The following COL1A2 variants were observed in gnomAD, a reference collection of about 807,000 sequenced individuals.
COL1A2 encodes collagen alpha-2(I) chain.
In COL1A2, 49 loss-of-function variants were observed where a neutral mutation model predicts 174.3. That is an observed-to-expected ratio of 0.28 (90% CI 0.22 to 0.36). COL1A2 has a LOEUF of 0.36. COL1A2 is among the 10% of genes least tolerant of loss of function. The pLI is 1.00. For missense variants in COL1A2, 1,438 were observed against 1,822.7 expected (o/e 0.79, Z 3.84); for synonymous variants, 655 against 606.6 (o/e 1.08, Z -1.17).
chr7:94,412,774 C>T (rs1584321745), intron 25 of COL1A2, 92 bp downstream of exon 25: 1 of 1,124,572 alleles, frequency 8.9e-7, no homozygotes, highest in East Asian at 2.5e-5. Context: ...TCAGTCCAGT[C>T]TCAGGGAGTT....
At chr7:94,424,865 T>A in intron 41 of COL1A2, 1 of 539,624 alleles carries the variant, frequency 1.9e-6, no homozygotes, top group South Asian at 2.1e-5. Flanking sequence ...TCATTTCATT[T>A]GGGATACTGA....
Position 94,405,285 on chromosome 7 carries a change from C to T in COL1A2, c.486+33C>T, listed in dbSNP as rs1252316976. Reference sequence around the variant, plus strand: ...TTTTTACATTGGTAGATAGCACAAACATCATAGGCCTATAAGATAGTTGCT... The same window carrying T: ...TTTTTACATTGGTAGATAGCACAAATATCATAGGCCTATAAGATAGTTGCT... On this transcript the variant is annotated intron_variant, in intron 10 of 51. Transcript: ENST00000297268. 2.5e-6 allele frequency: 4 copies of T among 1,590,270 alleles called. No individual in the cohort carries two copies. In the South Asian group the frequency reaches 4.4e-5, roughly 18 times the overall value.
Position 94,427,726 on chromosome 7 carries a change from C to T in COL1A2, c.3367C>T (p.Arg1123Cys), listed in dbSNP as rs765271962. The T allele has an allele frequency of 2.5e-6, 4 of 1,614,070 alleles. No homozygotes were observed. Among genetic ancestry groups the T allele is most frequent in the African/African-American group, 1.3e-5 (1 of 74,998 alleles). Residue 1123 changes from arginine to cysteine, a missense_variant, in exon 49 of 52, where the codon CGC (arginine) becomes TGC (cysteine). This residue lies in a region of COL1A2 where 867 missense variants were observed against 1,213.7 expected (regional missense o/e 0.71). Coordinates refer to ENST00000297268, the MANE Select transcript of COL1A2 (RefSeq NM_000089.4). ...DGDFYRADQP[R>C]SAPSLRPKDY... ...AGACTTCTACAGGGCTGACCAGCCTCGCTCAGCACCTTCTCTCAGACCCAA... is the reference window on the plus strand; with the variant it reads ...AGACTTCTACAGGGCTGACCAGCCTTGCTCAGCACCTTCTCTCAGACCCAA...
intron 40 of COL1A2, 150 bp downstream of exon 40, chr7:94,423,268 A>G: frequency 1.1e-6 from 1 of 889,322 alleles, no homozygotes; most frequent in Admixed American, 2.1e-5. Context: ...TCCAGCACAC[A>G]CTGAGGGGCT....
chr7:94,409,871 C>A, intron 19 of COL1A2, 50 bp downstream of exon 19: 1 of 1,510,436 alleles, frequency 6.6e-7, no homozygotes, highest in South Asian at 1.1e-5. Context: ...CCACCTCTGC[C>A]ATCATTTCAT....
chr7:94,404,418 TA>T, intron 6 of COL1A2, 137 bp from the exon 7 acceptor site: 1 of 909,994 alleles, frequency 1.1e-6, no homozygotes. Context: ...TTTGAGTCCT[TA>T]AATTCTTCCT....
chr7:94,405,926 A>G (rs2115879784), intron 11 of COL1A2, among the ~76,000 whole-genome samples, 200 bp downstream of exon 11: 1 of 152,342 alleles, frequency 6.6e-6, no homozygotes, highest in Non-Finnish European at 1.5e-5. Context: ...CTACCAAAAA[A>G]CAGGCTCACT....
chr7:94,395,229 G>A (rs755692248), intron 1 of COL1A2, 128 bp downstream of exon 1: 1 of 811,146 alleles, frequency 1.2e-6, no homozygotes, highest in Admixed American at 1.7e-5. Flanking sequence ...TCAGGCATGT[G>A]GGAAAACGCC....
Position 94,402,262 on chromosome 7 carries a change from G to T in COL1A2, c.279+642G>T, listed in dbSNP as rs184830442. Among the ~76,000 whole-genome samples, 337 of 152,160 alleles carry T rather than the reference G, an allele frequency of 2.2e-3. 2 individuals carry two copies. Among genetic ancestry groups the T allele is most frequent in the African/African-American group, 7.8e-3 (325 of 41,542 alleles). ...CAGATATTAATCAGATGCCTTCAAT[G>T]GGCCCTAAACTGTATTAGGAACTGG... On this transcript the variant is annotated intron_variant, in intron 6 of 51. Coordinates refer to ENST00000297268, the MANE Select transcript of COL1A2 (RefSeq NM_000089.4).
chr7:94,417,364 C>T (rs7781954), intron 31 of COL1A2: 48,685 of 311,474 alleles, frequency 0.16, 4,448 homozygotes, highest in Admixed American at 0.29. Context: ...TCTTTCCATG[C>T]TTTCTATCTG....
At chr7:94,418,647 AT>A in intron 33 of COL1A2, 95 bp downstream of exon 33, 1 of 945,782 alleles carries the variant, frequency 1.1e-6, no homozygotes, top group Non-Finnish European at 1.7e-6. Flanking sequence ...CACACACTTT[AT>A]TTATCAAGTT....
rs1792135004 is a variant in COL1A2 at position 94,420,458 on chromosome 7, A to G, written c.2187+14A>G. ...GCTGGTCCTGCTGTGAGTATCACAT[A>G]ATGAAGATTAATCTGAAAACATCCT... On this transcript the variant is annotated intron_variant, in intron 36 of 51. Transcript: ENST00000297268. The G allele has an allele frequency of 1.2e-6, 2 of 1,614,164 alleles. No homozygotes were observed. Among genetic ancestry groups the G allele is most frequent in the Non-Finnish European group, 1.7e-6 (2 of 1,180,020 alleles).
chr7:94,401,567 A>G lies in COL1A2; in HGVS notation c.226A>G (p.Asn76Asp). The G allele has an allele frequency of 7.0e-7, 1 of 1,422,850 alleles. No homozygotes were observed. The highest frequency in any genetic ancestry group is 9.3e-7 in the Non-Finnish European group (1 of 1,077,786). The allele number at this position is 1,422,850 out of a possible 1,614,324, so 88.1% of individuals were successfully genotyped here. ...TAATTTTTTTTTTTTACTTCTCTAG[A>G]ACTTTGCTGCTCAGTATGATGGAAA... ...GPPGPPGLGG[N>D]FAAQYDGKGV... The change falls in exon 6 of 52, where the codon AAC (asparagine) becomes GAC (aspartate). Residue 76 changes from asparagine to aspartate, a missense_variant and splice_region_variant. Around this residue, in one of 3 missense-constraint regions of COL1A2, gnomAD observed 281 missense variants for 310.9 expected, o/e 0.90. Transcript: ENST00000297268.
chr7:94,398,963 C>A, intron 3 of COL1A2, 86 bp from the exon 4 acceptor site: 1 of 1,318,810 alleles, frequency 7.6e-7, no homozygotes, highest in Non-Finnish European at 1.1e-6. Context: ...GTCTTACCAA[C>A]TAATTATTAT....
chr7:94,395,339 T>G (rs1442018181), intron 1 of COL1A2: 1 of 586,022 alleles, frequency 1.7e-6, no homozygotes, highest in Non-Finnish European at 3.2e-6. Context: ...GTGAGACAGT[T>G]AACTCGGTCT....
intron 26 of COL1A2, 45 bp downstream of exon 26, chr7:94,413,181 T>C: frequency 6.4e-7 from 1 of 1,574,592 alleles, no homozygotes; most frequent in South Asian, 1.1e-5. Context: ...AGCATTCATC[T>C]AAGAACCACA....
At position 94,417,819 on chromosome 7, in the gene COL1A2, C is replaced by A. The variant is rs753131332; in HGVS notation, c.1959C>A (p.Gly653=). ...GGGGTGCTGCTGGCATACCTGGAGG[C>A]AAGGGAGAAAAGGTACGTGTTGACC... ...GERGAAGIPG[G]KGEKGEPGLR... is the part of the protein sequence containing the mutation. The change falls in exon 32 of 52, where the codon GGC becomes GGA. Residue 653 remains glycine, a synonymous_variant. Transcript: ENST00000297268. 2 of 1,599,628 alleles carry A rather than the reference C, an allele frequency of 1.3e-6. No individual in the cohort carries two copies. Among genetic ancestry groups the A allele is most frequent in the Admixed American group, 3.4e-5 (2 of 58,116 alleles).
Position 94,427,696 on chromosome 7 carries a change from G to A in COL1A2, c.3337G>A (p.Asp1113Asn), listed in dbSNP as rs760490617. The change falls in exon 49 of 52, where the codon GAT becomes AAT. Residue 1113 changes from aspartate (D) to asparagine (N), a missense_variant. Physicochemically the swap from Asp to Asn is conservative, Grantham distance 23 (BLOSUM62 1). Coordinates refer to ENST00000297268, the MANE Select transcript of COL1A2 (RefSeq NM_000089.4). Reference protein sequence around the residue: ...VSGGGYDFGYDGDFYRADQPR... With the variant: ...VSGGGYDFGYNGDFYRADQPR... Reference sequence around the variant, plus strand: ...CGGTGGTGGTTATGACTTTGGTTACGATGGAGACTTCTACAGGGCTGACCA... The same window carrying A: ...CGGTGGTGGTTATGACTTTGGTTACAATGGAGACTTCTACAGGGCTGACCA... 3.2e-5 allele frequency: 51 copies of A among 1,614,016 alleles called. No homozygotes were observed. The Admixed American group carries it at 5.3e-4, about 17-fold the overall frequency.
chr7:94,430,098 G>A (rs1001236221), intron 51 of COL1A2, 149 bp from the exon 52 acceptor site: 8 of 791,388 alleles, frequency 1.0e-5, no homozygotes, highest in South Asian at 7.6e-5. Context: ...CCTTGATACT[G>A]TTATTTCAAG....
Sources: gnomAD v4.1 joint callset for allele counts (sites outside exome capture counted in the v4.1 genomes callset) on GRCh38, gnomAD v4.1.1 for gene constraint, gnomAD v4.1.1 regional missense constraint, MANE v1.5 for transcripts, NCBI Gene and HGNC (gene_info 2026-07-23, HGNC 2026-07-21) for gene names.